The following CSMD3 variants were observed in gnomAD, a reference collection of about 807,000 sequenced individuals.
The protein encoded by CSMD3 is CUB and Sushi multiple domains 3.
A neutral mutation model predicts 435.2 loss-of-function variants in CSMD3; 177 were observed. The ratio of observed to expected loss-of-function variants is 0.41; its 90% CI spans 0.36 to 0.46. The LOEUF (loss-of-function observed/expected upper bound fraction) is 0.46. Ranked by LOEUF, CSMD3 falls within the 20% of genes least tolerant of loss-of-function variation. The pLI is 0.34. For missense variants in CSMD3, 4,265 were observed against 4,504.6 expected (o/e 0.95, Z 1.52); for synonymous variants, 1,656 against 1,520.5 (o/e 1.09, Z -2.07).
At chr8:113,210,513 C>T (rs991512168) in intron 3 of CSMD3, among the ~76,000 whole-genome samples, 3 of 151,914 alleles carry the variant, frequency 2.0e-5, no homozygotes, top group East Asian at 3.9e-4. Flanking sequence ...TTTATATATT[C>T]GAATCAAATT....
At chr8:113,053,711 A>C (rs1362130145) in intron 5 of CSMD3, among the ~76,000 whole-genome samples, 1 of 152,148 alleles carries the variant, frequency 6.6e-6, no homozygotes, top group East Asian at 1.9e-4. Context: ...TTTACTATAC[A>C]TATTGTAGAA....
intron 28 of CSMD3, among the ~76,000 whole-genome samples, chr8:112,508,345 T>C (rs1822747992): frequency 1.3e-5 from 2 of 152,190 alleles, no homozygotes; most frequent in Non-Finnish European, 2.9e-5. Context: ...AAGCTGTCTT[T>C]GTCACCCTCT....
chr8:113,275,106 T>C (rs1213398096), intron 3 of CSMD3, among the ~76,000 whole-genome samples: 1 of 152,136 alleles, frequency 6.6e-6, no homozygotes, highest in Non-Finnish European at 1.5e-5. Context: ...TTGTAATTCA[T>C]ATGTATAGAC....
chr8:112,452,553 T>A lies in CSMD3; in HGVS notation c.5395+20038A>T, dbSNP rs1180834478. Among the ~76,000 whole-genome samples the A allele has an allele frequency of 2.0e-5, 3 of 152,220 alleles. No homozygotes were observed. The East Asian group carries it at 5.8e-4, about 29-fold the overall frequency. On this transcript the variant is annotated intron_variant, in intron 32 of 70. Transcript: ENST00000297405. Reference sequence around the variant, plus strand: ...AAATGACTATTTAATCTAAGAGATGTAACTTCCTTTTCAAAGATGTAGAAG... The same window carrying A: ...AAATGACTATTTAATCTAAGAGATGAAACTTCCTTTTCAAAGATGTAGAAG...
chr8:113,356,901 A>C lies in CSMD3; in HGVS notation c.179-42108T>G, dbSNP rs140593030. Among the ~76,000 whole-genome samples the C allele has an allele frequency of 2.4e-3, 371 of 152,276 alleles. 2 individuals carry two copies. The highest frequency in any genetic ancestry group is 8.6e-3 in the African/African-American group (359 of 41,574). On this transcript the variant is annotated intron_variant, in intron 1 of 70. Coordinates refer to ENST00000297405, the MANE Select transcript of CSMD3 (RefSeq NM_198123.2). ...CCTTAAGTAATACATATGATTTACA[A>C]CATAAAAATATTTTTTTCTGAAAAA...
intron 19 of CSMD3, among the ~76,000 whole-genome samples, chr8:112,649,194 A>G (rs1210828216): frequency 6.6e-6 from 1 of 152,220 alleles, no homozygotes; most frequent in East Asian, 1.9e-4. Flanking sequence ...ATTAGCAATG[A>G]GAGTTATCCC....
At chr8:113,334,204 T>C (rs1052988217) in intron 1 of CSMD3, among the ~76,000 whole-genome samples, 1 of 151,674 alleles carries the variant, frequency 6.6e-6, no homozygotes, top group Admixed American at 6.6e-5. Flanking sequence ...TGTATTATTT[T>C]ATATTATTTT....
In CSMD3 at chr8:113,230,295, T is replaced by C. The variant is rs2093070933; in HGVS notation, c.514+48297A>G. ...AGTTTAACATCTTTGAACTTCAGTTTTTTTTCCTTGTAGAATTATGGGATT... is the reference window on the plus strand; with the variant it reads ...AGTTTAACATCTTTGAACTTCAGTTCTTTTTCCTTGTAGAATTATGGGATT... On this transcript the variant is annotated intron_variant, in intron 3 of 70. Coordinates refer to ENST00000297405, the MANE Select transcript of CSMD3 (RefSeq NM_198123.2). 2.0e-5 allele frequency among the ~76,000 whole-genome samples: 3 copies of C among 151,808 alleles called. No individual in the cohort carries two copies. The South Asian group carries it at 6.2e-4, about 31-fold the overall frequency.
intron 63 of CSMD3, among the ~76,000 whole-genome samples, chr8:112,247,985 A>C (rs1004643301): frequency 1.3e-5 from 2 of 152,132 alleles, no homozygotes; most frequent in Non-Finnish European, 2.9e-5. Flanking sequence ...TTTATTGTTT[A>C]CAAAGTGAGC....
intron 2 of CSMD3, among the ~76,000 whole-genome samples, chr8:113,304,667 A>G (rs935342430): frequency 1.5e-5 from 2 of 130,694 alleles, no homozygotes; most frequent in Admixed American, 7.9e-5. Flanking sequence ...CACAAGAACA[A>G]AAAACCAAAC....
chr8:113,290,652 T>C (rs1053832606), intron 2 of CSMD3, among the ~76,000 whole-genome samples: 5 of 151,672 alleles, frequency 3.3e-5, no homozygotes, highest in African/African-American at 9.7e-5. Flanking sequence ...TCTGTCTTCA[T>C]TGGAATACAT....
intron 29 of CSMD3, among the ~76,000 whole-genome samples, chr8:112,505,688 T>C (rs988732337): frequency 6.6e-6 from 1 of 152,130 alleles, no homozygotes; most frequent in African/African-American, 2.4e-5. Context: ...ACGTTTTTTT[T>C]CTGAAAAACT....
intron 23 of CSMD3, among the ~76,000 whole-genome samples, chr8:112,585,633 G>T (rs537120944): frequency 4.0e-5 from 6 of 151,688 alleles, no homozygotes; most frequent in African/African-American, 7.2e-5. Flanking sequence ...AGAAATGAAT[G>T]AATTTTAAGC....
chr8:112,530,489 A>G (rs1022044242), intron 27 of CSMD3, among the ~76,000 whole-genome samples: 5 of 152,196 alleles, frequency 3.3e-5, no homozygotes, highest in African/African-American at 1.2e-4. Context: ...ACCATAAAGG[A>G]GAGTGATGGT....
intron 4 of CSMD3, among the ~76,000 whole-genome samples, chr8:113,120,608 G>T (rs1055770668): frequency 2.0e-5 from 3 of 152,130 alleles, no homozygotes; most frequent in African/African-American, 7.2e-5. Context: ...GAAGATATGT[G>T]TCAGGTTCTA....
intron 32 of CSMD3, among the ~76,000 whole-genome samples, chr8:112,442,540 T>G (rs1397128169): frequency 1.3e-5 from 2 of 152,196 alleles, no homozygotes; most frequent in Non-Finnish European, 2.9e-5. Context: ...AAAGATATTT[T>G]TCTTTTACTT....
At chr8:112,309,274 T>C (rs988327470) in intron 50 of CSMD3, among the ~76,000 whole-genome samples, 1 of 151,952 alleles carries the variant, frequency 6.6e-6, no homozygotes, top group Admixed American at 6.6e-5. Context: ...TGATAGTCAA[T>C]TATTCTCACA....
At chr8:112,280,883 T>C (rs910822595) in intron 59 of CSMD3, among the ~76,000 whole-genome samples, 1 of 152,156 alleles carries the variant, frequency 6.6e-6, no homozygotes, top group Non-Finnish European at 1.5e-5. Context: ...TAATTGCAGC[T>C]ATAAATCATC....
intron 32 of CSMD3, among the ~76,000 whole-genome samples, chr8:112,438,397 A>G (rs1466929021): frequency 1.3e-5 from 2 of 152,178 alleles, no homozygotes; most frequent in South Asian, 2.1e-4. Flanking sequence ...TTTTGAGTTC[A>G]CTGTCAACTT....
Sources: allele counts gnomAD v4.1 joint callset (sites outside exome capture counted in the v4.1 genomes callset), GRCh38; gene constraint gnomAD v4.1.1; transcripts MANE v1.5; gene names NCBI Gene and HGNC (gene_info 2026-07-23, HGNC 2026-07-21).